Variants in LCK observed in about 807,000 individuals in gnomAD.
The protein encoded by LCK is LCK proto-oncogene, Src family tyrosine kinase, also known as tyrosine-protein kinase Lck.
Under a neutral mutation model 64.6 loss-of-function variants are expected in LCK, and 14 were observed. The observed-to-expected ratio is 0.22, with a 90% confidence interval of 0.14 to 0.34. The LOEUF is 0.34. LCK is among the 10% of genes least tolerant of loss of function. LCK has a pLI of 1.00. For synonymous variants in LCK, 277 were observed against 263.6 expected (o/e 1.05, Z -0.49); for missense variants, 434 against 668.1 (o/e 0.65, Z 3.86).
intron 9 of LCK, among the ~76,000 whole-genome samples, chr1:32,277,642 G>A (rs1156821770): frequency 6.6e-6 from 1 of 152,166 alleles, no homozygotes; most frequent in Non-Finnish European, 1.5e-5. Flanking sequence ...TGTCTCTGGT[G>A]CTCAGTTTCC....
At chr1:32,273,401 TGTGA>T (rs1308129695) in intron 1 of LCK, among the ~76,000 whole-genome samples, 3 of 150,220 alleles carry the variant, frequency 2.0e-5, no homozygotes, top group Non-Finnish European at 4.4e-5. Context: ...ATAGGGTGTG[TGTGA>T]GTGTGTGTGT....
Position 32,276,913 on chromosome 1 carries a change from C to A in LCK, c.964+127C>A, listed in dbSNP as rs1054218861. 2.0e-6 allele frequency: 2 copies of A among 1,019,492 alleles called. No individual in the cohort carries two copies. Among genetic ancestry groups the A allele is most frequent in the African/African-American group, 3.3e-5 (2 of 60,794 alleles). 63.2% of individuals were successfully genotyped at this position (1,019,492 alleles called of 1,614,324 possible). On this transcript the variant is annotated intron_variant, in intron 9 of 12. Coordinates refer to ENST00000336890, the MANE Select transcript of LCK (RefSeq NM_005356.5). This position sits in a 1 kb window ranked among gnomAD's most constrained non-coding sequence, Gnocchi z 4.6. ...GGAGGGTTTCTTGAGCTTTCCTGCCCCCTGGAGACTCACCTCCAGCCGGGC... is the reference window on the plus strand; with the variant it reads ...GGAGGGTTTCTTGAGCTTTCCTGCCACCTGGAGACTCACCTCCAGCCGGGC...
Position 32,275,490 on chromosome 1 carries a change from G to A in LCK, c.377+71G>A. Reference sequence around the variant, plus strand: ...ATCCTGGAGCAGGGAGTAGGCCTGGGGTGGCGGTGAAGGCTTGAGGGCCAC... The same window carrying A: ...ATCCTGGAGCAGGGAGTAGGCCTGGAGTGGCGGTGAAGGCTTGAGGGCCAC... On this transcript the variant is annotated intron_variant, in intron 5 of 12. Transcript: ENST00000336890. The surrounding 1 kb of genome is among the most constrained non-coding windows in gnomAD (Gnocchi z 6.9). The A allele has an allele frequency of 1.9e-6, 3 of 1,574,928 alleles. No homozygotes were observed. The highest frequency in any genetic ancestry group is 2.6e-6 in the Non-Finnish European group (3 of 1,153,098).
In LCK at chr1:32,276,657, A is replaced by T; in HGVS notation, c.835A>T (p.Ser279Cys). The stretch of plus-strand genomic sequence containing the variant: ...GGCGGTGAAGAGCCTGAAGCAGGGC[A>T]GCATGTCCCCGGACGCCTTCCTGGC... ...KVAVKSLKQGSMSPDAFLAEA... is the reference protein window; with the variant it reads ...KVAVKSLKQGCMSPDAFLAEA... Residue 279 changes from serine (S) to cysteine (C), a missense_variant, in exon 9 of 13, where the codon AGC (serine) becomes TGC (cysteine). By Grantham distance (112) the Ser-to-Cys change is moderately radical. This residue lies in a region of LCK where 201 missense variants were observed against 376.9 expected (regional missense o/e 0.53). Transcript: ENST00000336890. This position sits in a 1 kb window ranked among gnomAD's most constrained non-coding sequence, Gnocchi z 4.6. The T allele has an allele frequency of 6.2e-7, 1 of 1,614,048 alleles. No homozygotes were observed. The highest frequency in any genetic ancestry group is 8.5e-7 in the Non-Finnish European group (1 of 1,179,980).
At position 32,275,420 on chromosome 1, in the gene LCK, GT is replaced by G. The variant is rs1315332184; in HGVS notation, c.377+2del. ...AAGCGAACAGCCTGGAGCCCGAACC[GT>G]AAGTGGGGACCCGTCGTGGGGGTGG... On this transcript the variant is annotated splice_donor_variant, in intron 5 of 12. Transcript: ENST00000336890. LOFTEE classifies it high-confidence loss of function. This position sits in a 1 kb window ranked among gnomAD's most constrained non-coding sequence, Gnocchi z 6.9. 1 of 1,613,758 alleles carries G rather than the reference GT, an allele frequency of 6.2e-7. No individual in the cohort carries two copies. The highest frequency in any genetic ancestry group is 1.7e-5 in the Admixed American group (1 of 59,978).
chr1:32,279,531 AAC>A (rs1640384692), intron 9 of LCK, 138 bp from the exon 10 acceptor site: 1 of 1,541,976 alleles, frequency 6.5e-7, no homozygotes, highest in African/African-American at 1.4e-5. Flanking sequence ...CCTTACCCTG[AAC>A]ACACACTCCT....
At chr1:32,252,727 G>A (rs1639538162) in intron 1 of LCK, among the ~76,000 whole-genome samples, 1 of 152,216 alleles carries the variant, frequency 6.6e-6, no homozygotes, top group South Asian at 2.1e-4. Context: ...GTGGACAAGG[G>A]CCAAGAACAG....
At chr1:32,253,759 G>A (rs1355621165) in intron 1 of LCK, among the ~76,000 whole-genome samples, 1 of 152,120 alleles carries the variant, frequency 6.6e-6, no homozygotes, top group Non-Finnish European at 1.5e-5. Context: ...CCTGTATACA[G>A]TGTGAGGAGT....
At position 32,276,663 on chromosome 1, in the gene LCK, T is replaced by G. The variant is rs1256470189; in HGVS notation, c.841T>G (p.Ser281Ala). ...AVKSLKQGSM[S>A]PDAFLAEANL... ...GAAGAGCCTGAAGCAGGGCAGCATG[T>G]CCCCGGACGCCTTCCTGGCCGAGGC... is the stretch of plus-strand genomic sequence containing the variant. The change falls in exon 9 of 13, where the codon TCC (serine) becomes GCC (alanine). Residue 281 changes from serine (S) to alanine (A), a missense_variant. This residue lies in a region of LCK where 201 missense variants were observed against 376.9 expected (regional missense o/e 0.53). Transcript: ENST00000336890. This position sits in a 1 kb window ranked among gnomAD's most constrained non-coding sequence, Gnocchi z 4.6. 1 of 1,613,862 alleles carries G rather than the reference T, an allele frequency of 6.2e-7. No individual in the cohort carries two copies. The highest frequency in any genetic ancestry group is 1.1e-5 in the South Asian group (1 of 91,058).
chr1:32,275,873 T>G lies in LCK; in HGVS notation c.482-41T>G. The stretch of plus-strand genomic sequence containing the variant: ...GGGCGCGGTGGCGGGCCAGACTCAC[T>G]GCGTTCTTTCGTCGCTTTGTCCATC... On this transcript the variant is annotated intron_variant, in intron 6 of 12. Transcript: ENST00000336890. The surrounding 1 kb of genome is among the most constrained non-coding windows in gnomAD (Gnocchi z 6.9). The G allele has an allele frequency of 6.2e-7, 1 of 1,610,720 alleles. No individual in the cohort carries two copies. The highest frequency in any genetic ancestry group is 8.5e-7 in the Non-Finnish European group (1 of 1,177,920).
At chr1:32,274,860 T>G (rs533065556) in intron 3 of LCK, 42 bp downstream of exon 3, 1 of 1,613,840 alleles carries the variant, frequency 6.2e-7, no homozygotes. Context: ...GGCCTGCGGA[T>G]CCCTGGCTGT....
intron 11 of LCK, 22 bp downstream of exon 11, chr1:32,280,016 G>C (rs762679723): frequency 6.2e-7 from 1 of 1,613,962 alleles, no homozygotes; most frequent in Non-Finnish European, 8.5e-7. Flanking sequence ...ATTTAAGGGT[G>C]GTCTGGGCCC....
intron 1 of LCK, among the ~76,000 whole-genome samples, chr1:32,268,060 G>A (rs1363829757): frequency 1.3e-5 from 2 of 151,870 alleles, no homozygotes; most frequent in Admixed American, 6.6e-5. Flanking sequence ...CAGGTGTGGC[G>A]GCACGCGCCT....
rs369970790 is a variant in LCK at position 32,275,880 on chromosome 1, T to C, written c.482-34T>C. Reference sequence around the variant, plus strand: ...GTGGCGGGCCAGACTCACTGCGTTCTTTCGTCGCTTTGTCCATCCATTCAT... The same window carrying C: ...GTGGCGGGCCAGACTCACTGCGTTCCTTCGTCGCTTTGTCCATCCATTCAT... On this transcript the variant is annotated intron_variant, in intron 6 of 12. Coordinates refer to ENST00000336890, the MANE Select transcript of LCK (RefSeq NM_005356.5). The surrounding 1 kb of genome is among the most constrained non-coding windows in gnomAD (Gnocchi z 6.9). 5.0e-6 allele frequency: 8 copies of C among 1,611,884 alleles called. No individual in the cohort carries two copies. The highest frequency in any genetic ancestry group is 6.8e-6 in the Non-Finnish European group (8 of 1,178,512).
chr1:32,268,983 A>T (rs571682787), intron 1 of LCK, among the ~76,000 whole-genome samples: 1 of 150,944 alleles, frequency 6.6e-6, no homozygotes, highest in African/African-American at 2.4e-5. Context: ...AAAATACAAA[A>T]ATTAGCCAGG....
At position 32,284,173 on chromosome 1, in the gene LCK, G is replaced by A. The variant is rs1028741575; in HGVS notation, c.1328-1341G>A. On this transcript the variant is annotated intron_variant, in intron 12 of 12. Transcript: ENST00000336890. Reference sequence around the variant, plus strand: ...GTTGGGATTACAGGCGTGAGCCACCGCAGATGGCCTCAGGTGCCCTTTATG... The same window carrying A: ...GTTGGGATTACAGGCGTGAGCCACCACAGATGGCCTCAGGTGCCCTTTATG... Among the ~76,000 whole-genome samples, 4 of 150,272 alleles carry A rather than the reference G, an allele frequency of 2.7e-5. No individual in the cohort carries two copies. In the East Asian group the frequency reaches 6.0e-4, roughly 22 times the overall value.
At chr1:32,261,334 G>A (rs1242475557) in intron 1 of LCK, among the ~76,000 whole-genome samples, 1 of 142,162 alleles carries the variant, frequency 7.0e-6, no homozygotes, top group Non-Finnish European at 1.5e-5. Context: ...TGCAACCTCC[G>A]CTTCCCCAGT....
chr1:32,260,651 C>T (rs993474350), intron 1 of LCK, among the ~76,000 whole-genome samples: 2 of 152,140 alleles, frequency 1.3e-5, no homozygotes, highest in Non-Finnish European at 1.5e-5. Context: ...GAGAGAGGTT[C>T]TTGCTCTTTC....
chr1:32,282,304 G>T (rs1318063189), intron 12 of LCK, among the ~76,000 whole-genome samples: 4 of 152,158 alleles, frequency 2.6e-5, no homozygotes, highest in Non-Finnish European at 4.4e-5. Flanking sequence ...ATGATAAATG[G>T]CAACTGACAT....
Sources: gnomAD v4.1 joint callset for allele counts (sites outside exome capture counted in the v4.1 genomes callset) on GRCh38, gnomAD v4.1.1 for gene constraint, gnomAD v4.1.1 regional missense constraint, Gnocchi (gnomAD v3.1) non-coding constraint, MANE v1.5 for transcripts, NCBI Gene and HGNC (gene_info 2026-07-23, HGNC 2026-07-21) for gene names.